KDM1B: variants seen among roughly 807,000 people sequenced by gnomAD.
KDM1B encodes the protein lysine demethylase 1B.
KDM1B carries 63 observed loss-of-function variants against 107.4 expected under a neutral mutation model. The ratio of observed to expected loss-of-function variants is 0.59; its 90% CI spans 0.48 to 0.72. KDM1B has a LOEUF of 0.72. KDM1B is among the 30% of genes least tolerant of loss of function. The pLI is 0.00. For synonymous variants in KDM1B, 363 were observed against 363.9 expected (o/e 1.00, Z 0.03); for missense variants, 749 against 1,020.8 (o/e 0.73, Z 3.63).
At chr6:18,192,942 C>T (rs1010876327) in intron 10 of KDM1B, among the ~76,000 whole-genome samples, 5 of 151,978 alleles carry the variant, frequency 3.3e-5, no homozygotes, top group African/African-American at 1.2e-4. Context: ...CCTGTAATCC[C>T]AGCACTTTAG....
Position 18,197,114 on chromosome 6 carries a change from A to G in KDM1B, c.1027A>G (p.Ile343Val), listed in dbSNP as rs1289896569. Reference sequence around the variant, plus strand: ...CATCATCGTCCGGGGTCTCGTGCGTATTCGATGCGTTCAGGAAGTGGAGAG... The same window carrying G: ...CATCATCGTCCGGGGTCTCGTGCGTGTTCGATGCGTTCAGGAAGTGGAGAG... ...PHIIVRGLVR[I>V]RCVQEVERIL... Residue 343 changes from isoleucine (I) to valine (V), a missense_variant, in exon 11 of 22, where the codon ATT becomes GTT. Ile to Val is a conservative substitution (Grantham distance 29, BLOSUM62 3). Coordinates refer to ENST00000650836, the MANE Select transcript of KDM1B (RefSeq NM_001364614.2). This position sits in a 1 kb window ranked among gnomAD's most constrained non-coding sequence, Gnocchi z 4.5. 1 of 1,614,114 alleles carries G rather than the reference A, an allele frequency of 6.2e-7. No individual in the cohort carries two copies. Among genetic ancestry groups the G allele is most frequent in the Non-Finnish European group, 8.5e-7 (1 of 1,180,002 alleles).
chr6:18,161,165 A>G (rs140686051), intron 3 of KDM1B, among the ~76,000 whole-genome samples, 162 bp from the exon 4 acceptor site: 211 of 152,284 alleles, frequency 1.4e-3, no homozygotes, highest in African/African-American at 4.5e-3. Context: ...TACTTGCACA[A>G]TGCAGTCACC....
rs1788884109 is a variant in KDM1B, at chr6:18,211,987, C to T, written c.1867-501C>T. On this transcript the variant is annotated intron_variant, in intron 17 of 21. Transcript: ENST00000650836. The surrounding 1 kb of genome is among the most constrained non-coding windows in gnomAD (Gnocchi z 5.2). ...TTTTGAGACAGTCTCGCTCTGTTGC[C>T]CAGGCTGGAGTGTAGTGGCGTGATC... 6.5e-6 allele frequency: 1 copy of T among 154,854 alleles called. No individual in the cohort carries two copies. Among genetic ancestry groups the T allele is most frequent in the African/African-American group, 2.4e-5 (1 of 41,016 alleles). The allele number at this position is 154,854 out of a possible 1,614,324, so 9.6% of individuals were successfully genotyped here. A position where few individuals can be genotyped will look rare whatever the true frequency, so the allele number is the denominator to read the frequency against.
chr6:18,171,174 G>C (rs569992943), intron 6 of KDM1B, among the ~76,000 whole-genome samples, 189 bp from the exon 7 acceptor site: 10 of 152,270 alleles, frequency 6.6e-5, no homozygotes, highest in African/African-American at 2.2e-4. Flanking sequence ...TCCTCACCCT[G>C]AGGAAGTATT....
At chr6:18,193,195 A>T (rs144731765) in intron 10 of KDM1B, among the ~76,000 whole-genome samples, 11,786 of 92,798 alleles carry the variant, frequency 0.13, 623 homozygotes, top group Non-Finnish European at 0.15. Flanking sequence ...AACTCTGTCT[A>T]AAAAAAAAAA....
chr6:18,191,253 G>T lies in KDM1B; in HGVS notation c.841G>T (p.Ala281Ser). Residue 281 changes from alanine to serine, a missense_variant, in exon 10 of 22, where the codon GCC becomes TCC. By Grantham distance (99) the Ala-to-Ser change is moderately conservative. Coordinates refer to ENST00000650836, the MANE Select transcript of KDM1B (RefSeq NM_001364614.2). This position sits in a 1 kb window ranked among gnomAD's most constrained non-coding sequence, Gnocchi z 5.1. ...PFYQPNECGK[A>S]LCVRPDVMEL... The stretch of plus-strand genomic sequence containing the variant: ...CTACCAGCCCAATGAGTGTGGCAAA[G>T]CCCTCTGTGTGAGGCCGGATGTGAT... 6.4e-7 allele frequency: 1 copy of T among 1,550,664 alleles called. No individual in the cohort carries two copies. The highest frequency in any genetic ancestry group is 8.7e-7 in the Non-Finnish European group (1 of 1,147,000).
chr6:18,179,422 T>A (rs1003302737), intron 7 of KDM1B, among the ~76,000 whole-genome samples: 3 of 152,326 alleles, frequency 2.0e-5, no homozygotes, highest in Non-Finnish European at 1.5e-5. Context: ...GAGCAGTATA[T>A]CCTCTTTTCT....
intron 5 of KDM1B, among the ~76,000 whole-genome samples, chr6:18,165,445 A>C (rs1248100094): frequency 6.6e-6 from 1 of 152,024 alleles, no homozygotes; most frequent in Non-Finnish European, 1.5e-5. Flanking sequence ...CTCTGATTTT[A>C]ATTGAGCATT....
chr6:18,212,186 C>A lies in KDM1B; in HGVS notation c.1867-302C>A. The A allele has an allele frequency of 7.3e-6, 2 of 275,750 alleles. No individual in the cohort carries two copies. Among genetic ancestry groups the A allele is most frequent in the Non-Finnish European group, 1.4e-5 (2 of 142,008 alleles). 17.1% of individuals were successfully genotyped at this position (275,750 alleles called of 1,614,324 possible). On this transcript the variant is annotated intron_variant, in intron 17 of 21. Transcript: ENST00000650836. This position sits in a 1 kb window ranked among gnomAD's most constrained non-coding sequence, Gnocchi z 5.2. ...TCTTGAACTCCTGACCTCAGGTGATCCACCCGCCTCGGCCTCTCAAAGTGC... is the reference window on the plus strand; with the variant it reads ...TCTTGAACTCCTGACCTCAGGTGATACACCCGCCTCGGCCTCTCAAAGTGC...
Position 18,191,381 on chromosome 6 carries a change from A to G in KDM1B, c.969A>G (p.Lys323=). The part of the protein sequence containing the change: ...LILALWYTNC[K]EALTPQKCIP... ...TCGCACTGTGGTATACTAACTGCAA[A>G]GTAAGTAAGGGCATGTTAGCCAATA... Residue 323 remains lysine, a splice_region_variant and synonymous_variant, in exon 10 of 22, where the codon AAA becomes AAG. Coordinates refer to ENST00000650836, the MANE Select transcript of KDM1B (RefSeq NM_001364614.2). This position sits in a 1 kb window ranked among gnomAD's most constrained non-coding sequence, Gnocchi z 5.1. 2 of 1,550,722 alleles carry G rather than the reference A, an allele frequency of 1.3e-6. No homozygotes were observed. The highest frequency in any genetic ancestry group is 2.4e-5 in the East Asian group (1 of 40,906).
chr6:18,221,151 G>A (rs1385440970), intron 21 of KDM1B, among the ~76,000 whole-genome samples: 2 of 151,664 alleles, frequency 1.3e-5, no homozygotes, highest in Non-Finnish European at 2.9e-5. Context: ...GAAGCCTTTG[G>A]CCCCTGGATG....
Position 18,197,041 on chromosome 6 carries a change from T to A in KDM1B, c.970-16T>A. On this transcript the variant is annotated splice_polypyrimidine_tract_variant and intron_variant, in intron 10 of 21. Coordinates refer to ENST00000650836, the MANE Select transcript of KDM1B (RefSeq NM_001364614.2). This position sits in a 1 kb window ranked among gnomAD's most constrained non-coding sequence, Gnocchi z 4.5. ...ACTTTTTTAAAAAAGCAGTTTGGTT[T>A]TATTTCCAAACACAGGAAGCTCTTA... is the stretch of plus-strand genomic sequence containing the variant. 1.3e-6 allele frequency: 2 copies of A among 1,581,936 alleles called. No homozygotes were observed. The highest frequency in any genetic ancestry group is 1.7e-6 in the Non-Finnish European group (2 of 1,159,580).
intron 10 of KDM1B, among the ~76,000 whole-genome samples, chr6:18,195,511 A>G (rs990473844): frequency 6.6e-6 from 1 of 152,060 alleles, no homozygotes; most frequent in Non-Finnish European, 1.5e-5. Flanking sequence ...AGGCGGGTGG[A>G]TTACCTGAGG....
At chr6:18,166,223 CAATCGATATATT>C (rs766330137) in intron 5 of KDM1B, 32 bp from the exon 6 acceptor site, 103 of 905,748 alleles carry the variant, frequency 1.1e-4, no homozygotes, top group Admixed American at 9.9e-4. Flanking sequence ...TTGCTTATAG[CAATCGATATATT>C]AATCGATATA....
chr6:18,184,273 C>CTTCTTTTTTTTTTTTTTTTT (rs1554144142), intron 7 of KDM1B, among the ~76,000 whole-genome samples: 26 of 116,642 alleles, frequency 2.2e-4, no homozygotes, highest in Non-Finnish European at 3.8e-4. Flanking sequence ...GTTCTAGCTT[C>CTTCTTTTTTTTTTTTTTTTT]TTTTTTTTTT....
Position 18,157,210 on chromosome 6 carries a change from A to G in KDM1B, c.-14+1284A>G, listed in dbSNP as rs141731358. Among the ~76,000 whole-genome samples the G allele has an allele frequency of 5.3e-3, 805 of 152,316 alleles. 7 individuals carry two copies. The highest frequency in any genetic ancestry group is 0.018 in the African/African-American group (758 of 41,568). On this transcript the variant is annotated intron_variant, in intron 2 of 21. Coordinates refer to ENST00000650836, the MANE Select transcript of KDM1B (RefSeq NM_001364614.2). ...AAATTTTTTCTTCATTTTAAGACCT[A>G]AGGACCCAGCAAGTGGAGATATATA...
At position 18,159,593 on chromosome 6, in the gene KDM1B, A is replaced by AG. The variant is rs1784840533; in HGVS notation, c.-13-289dup. On this transcript the variant is annotated intron_variant, in intron 2 of 21. Transcript: ENST00000650836. The surrounding 1 kb of genome is among the most constrained non-coding windows in gnomAD (Gnocchi z 4.5). ...TTTATGTGTGAGAACACTGAGGCTT[A>AG]GAGAGGTTAAGAACTTGAAAATGGT... 6.6e-6 allele frequency among the ~76,000 whole-genome samples: 1 copy of AG among 152,200 alleles called. No homozygotes were observed. Among genetic ancestry groups the AG allele is most frequent in the Non-Finnish European group, 1.5e-5 (1 of 68,038 alleles).
intron 12 of KDM1B, among the ~76,000 whole-genome samples, chr6:18,199,025 A>G (rs992282590): frequency 4.1e-5 from 6 of 148,124 alleles, no homozygotes; most frequent in African/African-American, 1.0e-4. Context: ...AAAAAAAAAA[A>G]AAAAAAAAGA....
chr6:18,177,313 CT>C (rs904537443), intron 7 of KDM1B, among the ~76,000 whole-genome samples: 4 of 151,054 alleles, frequency 2.6e-5, no homozygotes, highest in Non-Finnish European at 4.4e-5. Context: ...GTTGTAATAT[CT>C]TTTTTTTTCT....
Sources: allele counts gnomAD v4.1 joint callset (sites outside exome capture counted in the v4.1 genomes callset), GRCh38; gene constraint gnomAD v4.1.1; non-coding constraint Gnocchi (gnomAD v3.1); transcripts MANE v1.5; gene names NCBI Gene and HGNC (gene_info 2026-07-23, HGNC 2026-07-21).